The following CRIP3 variants were observed in gnomAD, a reference collection of about 807,000 sequenced individuals.
CRIP3 encodes cysteine-rich protein 3.
CRIP3 carries 23 observed loss-of-function variants against 30.3 expected under a neutral mutation model. That is an observed-to-expected ratio of 0.76 (90% CI 0.55 to 1.08). The LOEUF is 1.08. CRIP3 is among the 50% of genes least tolerant of loss of function. The pLI, the probability that CRIP3 is intolerant of heterozygous loss-of-function variation, is 0.00. For missense variants in CRIP3, 261 were observed against 259.3 expected (o/e 1.01, Z -0.04); for synonymous variants, 89 against 97.6 (o/e 0.91, Z 0.52).
intron 4 of CRIP3, 67 bp from the exon 5 acceptor site, chr6:43,306,584 G>A: frequency 1.5e-6 from 2 of 1,298,940 alleles, no homozygotes; most frequent in Non-Finnish European, 2.1e-6. Context: ...GCCTGCATAT[G>A]GTGCTGTCCT....
chr6:43,308,687 C>T (rs1402322776), intron 1 of CRIP3, 63 bp downstream of exon 1: 1 of 1,598,968 alleles, frequency 6.3e-7, no homozygotes, highest in Non-Finnish European at 8.6e-7. Flanking sequence ...CCCTCCGCGT[C>T]CTCAGGGAAT....
At chr6:43,308,017 AGGGGTGGGGG>A in intron 2 of CRIP3, 121 bp from the exon 3 acceptor site, 1 of 1,104,122 alleles carries the variant, frequency 9.1e-7, no homozygotes, top group Non-Finnish European at 1.3e-6. Context: ...TGGGCCTGGG[AGGGGTGGGGG>A]ATGGGCTGGC....
rs570466261 is a variant in CRIP3 at position 43,307,437 on chromosome 6, T to TAGAA, written c.328+171_328+174dup. On this transcript the variant is annotated intron_variant, in intron 4 of 7. Coordinates refer to ENST00000372569, the MANE Select transcript of CRIP3 (RefSeq NM_206922.3). ...TAACTCAGCAGCTCACATGAGGGAA[T>TAGAA]AGAAAGAAAGAAAGAAAAAAAAAGC... 6.2e-4 allele frequency: 330 copies of TAGAA among 532,110 alleles called. No individual in the cohort carries two copies. The South Asian group carries it at 8.2e-3, about 13-fold the overall frequency. 33.0% of individuals were successfully genotyped at this position (532,110 alleles called of 1,614,324 possible).
In CRIP3 at chr6:43,305,804, T is replaced by C. The variant is rs1215020276; in HGVS notation, c.*10A>G. 1 of 1,614,038 alleles carries C rather than the reference T, an allele frequency of 6.2e-7. No homozygotes were observed. The highest frequency in any genetic ancestry group is 8.5e-7 in the Non-Finnish European group (1 of 1,180,044). On this transcript the variant is annotated 3_prime_UTR_variant, in exon 8 of 8. Coordinates refer to ENST00000372569, the MANE Select transcript of CRIP3 (RefSeq NM_206922.3). ...AGGCCTGAGTTAGGGTGACCTTTTT[T>C]GTGAGCGTCTCATTTGAATTTTATC...
chr6:43,307,167 T>C (rs1050306059), intron 4 of CRIP3: 1 of 128,334 alleles, frequency 7.8e-6, no homozygotes, highest in Non-Finnish European at 1.6e-5. Context: ...TGAGATGGAG[T>C]CTCGCTCTGT....
At position 43,308,344 on chromosome 6, in the gene CRIP3, T is replaced by C; in HGVS notation, c.109A>G (p.Ser37Gly). 6.2e-7 allele frequency: 1 copy of C among 1,612,910 alleles called. No individual in the cohort carries two copies. The highest frequency in any genetic ancestry group is 8.5e-7 in the Non-Finnish European group (1 of 1,179,696). The change falls in exon 2 of 8, where the codon AGC (serine) becomes GGC (glycine). Residue 37 changes from serine to glycine, a missense_variant. Ser to Gly is a moderately conservative substitution (Grantham distance 56). Transcript: ENST00000372569. ...RFCLKCERCH[S>G]ILSPGGHAEH... The stretch of plus-strand genomic sequence containing the variant: ...GCATGCCCGCCAGGGGACAGGATGC[T>C]GTGGCAGCGCTCACATTTCAGGCAG...
rs1224166737 is a variant in CRIP3, at chr6:43,305,606, G to A, written c.*208C>T. The A allele has an allele frequency of 2.2e-5, 14 of 634,210 alleles. No homozygotes were observed. Among genetic ancestry groups the A allele is most frequent in the Non-Finnish European group, 3.3e-5 (12 of 363,222 alleles). The allele number at this position is 634,210 out of a possible 1,614,324, so 39.3% of individuals were successfully genotyped here. On this transcript the variant is annotated 3_prime_UTR_variant, in exon 8 of 8. Coordinates refer to ENST00000372569, the MANE Select transcript of CRIP3 (RefSeq NM_206922.3). ...CCAGGAGGAGGATACCCTTCAAAAC[G>A]GGCTGTTCCCTAACCAGATAGAAAT... is the stretch of plus-strand genomic sequence containing the variant.
Position 43,308,423 on chromosome 6 carries a change from A to G in CRIP3, c.44-14T>C. ...TCACCTTCTCAGCTGTGGAGGACAA[A>G]GTGGAACCGAGCTGCGAGGAGCCTG... is the stretch of plus-strand genomic sequence containing the variant. On this transcript the variant is annotated splice_polypyrimidine_tract_variant and intron_variant, in intron 1 of 7. Coordinates refer to ENST00000372569, the MANE Select transcript of CRIP3 (RefSeq NM_206922.3). 1 of 1,608,868 alleles carries G rather than the reference A, an allele frequency of 6.2e-7. No individual in the cohort carries two copies. The highest frequency in any genetic ancestry group is 1.7e-5 in the Admixed American group (1 of 59,736).
chr6:43,306,805 G>A (rs912288100), intron 4 of CRIP3: 11 of 363,300 alleles, frequency 3.0e-5, no homozygotes, highest in Middle Eastern at 7.4e-4. Context: ...TCAATCCTCA[G>A]GAAACTTGAG....
At chr6:43,308,585 G>A in intron 1 of CRIP3, 165 bp downstream of exon 1, 2 of 958,276 alleles carry the variant, frequency 2.1e-6, no homozygotes, top group Non-Finnish European at 3.2e-6. Flanking sequence ...AGAGCTCTCA[G>A]AGGAAGGGAG....
At position 43,305,541 on chromosome 6, in the gene CRIP3, T is replaced by C. The variant is rs1224925617; in HGVS notation, c.*273A>G. On this transcript the variant is annotated 3_prime_UTR_variant, in exon 8 of 8. Transcript: ENST00000372569. ...AATAAACACAAGTTTTATGAGTACC[T>C]TGAAGCTCCAGAATGTGCTGGGGAA... The C allele has an allele frequency of 3.8e-6, 2 of 520,542 alleles. No homozygotes were observed. The highest frequency in any genetic ancestry group is 6.8e-6 in the Non-Finnish European group (2 of 292,846). The allele number at this position is 520,542 out of a possible 1,614,324, so 32.2% of individuals were successfully genotyped here. A position where few individuals can be genotyped will look rare whatever the true frequency, so the allele number is the denominator to read the frequency against.
chr6:43,305,981 G>A lies in CRIP3; in HGVS notation c.553+86C>T. On this transcript the variant is annotated intron_variant, in intron 7 of 7. Coordinates refer to ENST00000372569, the MANE Select transcript of CRIP3 (RefSeq NM_206922.3). The stretch of plus-strand genomic sequence containing the variant: ...CAGGGTATGCTTAACCACAGGGGAA[G>A]TTGTCCACACATACCCACAGACCAT... The A allele has an allele frequency of 3.1e-6, 5 of 1,608,464 alleles. 1 individual carries two copies. The Middle Eastern group carries it at 8.3e-4, about 267-fold the overall frequency.
Position 43,305,842 on chromosome 6 carries a change from T to C in CRIP3, c.587A>G (p.Tyr196Cys), listed in dbSNP as rs780142848. ...VNIGDVGCYI[Y>C]DPVKIKFK ...TTTGAATTTTATCTTCACTGGGTCA[T>C]AGATGTAGCAGCCCACATCGCCAAT... The change falls in exon 8 of 8, where the codon TAT becomes TGT. Residue 196 changes from tyrosine (Y) to cysteine (C), a missense_variant. Tyr to Cys is a radical substitution (Grantham distance 194). Transcript: ENST00000372569. The C allele has an allele frequency of 1.2e-6, 2 of 1,614,148 alleles. No homozygotes were observed. Among genetic ancestry groups the C allele is most frequent in the Admixed American group, 1.7e-5 (1 of 60,022 alleles).
chr6:43,308,564 A>T (rs1778995041), intron 1 of CRIP3, 155 bp from the exon 2 acceptor site: 1 of 915,520 alleles, frequency 1.1e-6, no homozygotes, highest in Non-Finnish European at 1.7e-6. Flanking sequence ...CTCCGGTTTC[A>T]CACTCCCCAC....
At chr6:43,307,590 G>A in intron 4 of CRIP3, 22 bp downstream of exon 4, 1 of 1,437,492 alleles carries the variant, frequency 7.0e-7, no homozygotes, top group Non-Finnish European at 9.2e-7. Context: ...GGAGGACTGG[G>A]AGGAGCTGAG....
In CRIP3 at chr6:43,306,213, G is replaced by C. The variant is rs1042616168; in HGVS notation, c.495+6C>G. ...CAACATAACCACTCATTCCTGCCCT[G>C]CTCACCTCAGCATGACTCCCAGCAG... On this transcript the variant is annotated splice_donor_region_variant and intron_variant, in intron 6 of 7. Transcript: ENST00000372569. 4 of 1,613,936 alleles carry C rather than the reference G, an allele frequency of 2.5e-6. No homozygotes were observed. In the African/African-American group the frequency reaches 5.3e-5, roughly 22 times the overall value.
intron 2 of CRIP3, 39 bp downstream of exon 2, chr6:43,308,276 G>A: frequency 6.6e-7 from 1 of 1,508,918 alleles, no homozygotes; most frequent in South Asian, 1.2e-5. Flanking sequence ...GTGGGAGGCA[G>A]TGATGTAAAC....
At chr6:43,307,971 G>A in intron 2 of CRIP3, 75 bp from the exon 3 acceptor site, 1 of 1,519,620 alleles carries the variant, frequency 6.6e-7, no homozygotes, top group Non-Finnish European at 9.1e-7. Context: ...ACCCCAGACA[G>A]GCTGCCAGGT....
At chr6:43,306,596 T>C in intron 4 of CRIP3, 79 bp from the exon 5 acceptor site, 2 of 1,219,698 alleles carry the variant, frequency 1.6e-6, no homozygotes, top group Non-Finnish European at 2.3e-6. Flanking sequence ...TGCTGTCCTC[T>C]TTCAAAAGCC....
Sources: allele counts gnomAD v4.1 joint callset, GRCh38; gene constraint gnomAD v4.1.1; transcripts MANE v1.5; gene names NCBI Gene and HGNC (gene_info 2026-07-23, HGNC 2026-07-21).